Variants in ETV5 observed in about 807,000 individuals in gnomAD.
ETV5 encodes the protein ETS translocation variant 5.
Under a neutral mutation model 70.0 loss-of-function variants are expected in ETV5, and 10 were observed. That is an observed-to-expected ratio of 0.14 (90% CI 0.09 to 0.24). ETV5 has a LOEUF of 0.24. Ranked by LOEUF, ETV5 falls within the 10% of genes least tolerant of loss-of-function variation. ETV5 has a pLI of 1.00. For synonymous variants in ETV5, 216 were observed against 242.2 expected, an observed-to-expected ratio of 0.89 and a Z score of 1.01; for missense variants, 453 against 651.2, an observed-to-expected ratio of 0.70 and a Z score of 3.31.
intron 1 of ETV5, 86 bp from the exon 2 acceptor site, chr3:186,106,028 G>A: frequency 2.1e-6 from 2 of 946,812 alleles, no homozygotes; most frequent in Non-Finnish European, 3.3e-6. Context: ...TTTAGGGCCT[G>A]TGCAAAATTA....
At chr3:186,075,874 T>G (rs1250717657) in intron 7 of ETV5, among the ~76,000 whole-genome samples, 1 of 152,250 alleles carries the variant, frequency 6.6e-6, no homozygotes, top group East Asian at 1.9e-4. Flanking sequence ...TCCAAAATTC[T>G]TAGAGATACA....
intron 8 of ETV5, among the ~76,000 whole-genome samples, chr3:186,064,859 G>A (rs567667506): frequency 2.0e-5 from 3 of 152,318 alleles, no homozygotes; most frequent in South Asian, 4.1e-4. Context: ...GGGTGGGAAC[G>A]GGAAGAGGAC....
intron 7 of ETV5, among the ~76,000 whole-genome samples, chr3:186,075,391 C>T (rs1466018380): frequency 6.6e-6 from 1 of 152,064 alleles, no homozygotes; most frequent in African/African-American, 2.4e-5. Flanking sequence ...AATTATTGTA[C>T]TACAAAATCT....
rs143713513 is a variant in ETV5 at position 186,064,564 on chromosome 3, G to A, written c.911-88C>T. On this transcript the variant is annotated intron_variant, in intron 8 of 12. Transcript: ENST00000306376. Reference sequence around the variant, plus strand: ...CGGTCAACTGCAGCTCTGTGGTAAAGCCCCTAAACTTCCTGCTCTGGGGTC... The same window carrying A: ...CGGTCAACTGCAGCTCTGTGGTAAAACCCCTAAACTTCCTGCTCTGGGGTC... 3.4e-3 allele frequency: 4,544 copies of A among 1,318,394 alleles called. 24 individuals are homozygous for A. The highest frequency in any genetic ancestry group is 3.1e-3 in the Non-Finnish European group (2,803 of 911,634). 81.7% of individuals were successfully genotyped at this position (1,318,394 alleles called of 1,614,324 possible). A position where few individuals can be genotyped will look rare whatever the true frequency, so the allele number is the denominator to read the frequency against.
chr3:186,064,586 G>A (rs1483323274), intron 8 of ETV5, 110 bp from the exon 9 acceptor site: 1 of 1,064,326 alleles, frequency 9.4e-7, no homozygotes. Flanking sequence ...CCTGCTCTGG[G>A]GTCATGTCTT....
chr3:186,083,927 G>A (rs769282646), intron 5 of ETV5, among the ~76,000 whole-genome samples: 1 of 152,158 alleles, frequency 6.6e-6, no homozygotes, highest in African/African-American at 2.4e-5. Context: ...CTCCTCAAAG[G>A]TCTGTGGGAC....
In ETV5 at chr3:186,087,072, T is replaced by C. The variant is rs534799330; in HGVS notation, c.233-5897A>G. 2.0e-5 allele frequency among the ~76,000 whole-genome samples: 3 copies of C among 152,228 alleles called. No homozygotes were observed. The South Asian group carries it at 6.2e-4, about 32-fold the overall frequency. ...TGGAAGGATAGATCATGCTCGTGGATTGGAAAGCTTAACATTATAAAGATA... is the reference window on the plus strand; with the variant it reads ...TGGAAGGATAGATCATGCTCGTGGACTGGAAAGCTTAACATTATAAAGATA... On this transcript the variant is annotated intron_variant, in intron 5 of 12. Coordinates refer to ENST00000306376, the MANE Select transcript of ETV5 (RefSeq NM_004454.3).
At chr3:186,078,356 C>T (rs1179042898) in intron 7 of ETV5, 1 of 282,254 alleles carries the variant, frequency 3.5e-6, no homozygotes, top group Non-Finnish European at 6.1e-6. Context: ...CCCAATTTCC[C>T]CATAACCCTT....
intron 7 of ETV5, among the ~76,000 whole-genome samples, chr3:186,068,457 T>C (rs770850411): frequency 6.6e-6 from 1 of 151,986 alleles, no homozygotes; most frequent in Non-Finnish European, 1.5e-5. Context: ...TGCTCATCTA[T>C]AGTTTGATAA....
At position 186,065,836 on chromosome 3, in the gene ETV5, G is replaced by T; in HGVS notation, c.887C>A (p.Pro296His). The stretch of plus-strand genomic sequence containing the variant: ...ACCTGAATCGACGCAGTAATCCCGA[G>T]GCTCCTGCTTGATTCCCATTGGTGA... ...FQSPMGIKQE[P>H]RDYCVDSEVP... The change falls in exon 8 of 13, where the codon CCT becomes CAT. Residue 296 changes from proline to histidine, a missense_variant. Physicochemically the swap from Pro to His is moderately conservative, Grantham distance 77. This residue lies in a region of ETV5 where 307 missense variants were observed against 344.9 expected (regional missense o/e 0.89). Coordinates refer to ENST00000306376, the MANE Select transcript of ETV5 (RefSeq NM_004454.3). 6.2e-7 allele frequency: 1 copy of T among 1,614,108 alleles called. No homozygotes were observed. The highest frequency in any genetic ancestry group is 8.5e-7 in the Non-Finnish European group (1 of 1,180,030).
chr3:186,067,208 G>A (rs1262237108), intron 7 of ETV5, among the ~76,000 whole-genome samples: 2 of 152,190 alleles, frequency 1.3e-5, no homozygotes, highest in Non-Finnish European at 2.9e-5. Context: ...GCCAATGCGG[G>A]GGGATCACGA....
Position 186,048,368 on chromosome 3 carries a change from G to A in ETV5, c.*271C>T, listed in dbSNP as rs979814802. The A allele has an allele frequency of 1.6e-5, 8 of 509,086 alleles. No homozygotes were observed. Among genetic ancestry groups the A allele is most frequent in the African/African-American group, 7.6e-5 (4 of 52,476 alleles). The allele number at this position is 509,086 out of a possible 1,614,324, so 31.5% of individuals were successfully genotyped here. A position where few individuals can be genotyped will look rare whatever the true frequency, so the allele number is the denominator to read the frequency against. On this transcript the variant is annotated 3_prime_UTR_variant, in exon 13 of 13. Coordinates refer to ENST00000306376, the MANE Select transcript of ETV5 (RefSeq NM_004454.3). ...CTTTGCATGTATTGTCCATGGTAAGGAGACTCCATTTTGATCTCTTCCCAG... is the reference window on the plus strand; with the variant it reads ...CTTTGCATGTATTGTCCATGGTAAGAAGACTCCATTTTGATCTCTTCCCAG...
At chr3:186,067,320 T>C (rs1240288000) in intron 7 of ETV5, among the ~76,000 whole-genome samples, 1 of 152,180 alleles carries the variant, frequency 6.6e-6, no homozygotes, top group Non-Finnish European at 1.5e-5. Context: ...TAGTCCCAGC[T>C]ACTCTGGAGG....
chr3:186,049,553 G>A (rs1289219510), intron 12 of ETV5, among the ~76,000 whole-genome samples: 1 of 152,158 alleles, frequency 6.6e-6, no homozygotes. Context: ...AATAGTACAA[G>A]AGGCACCTAA....
At chr3:186,075,591 T>C (rs893575591) in intron 7 of ETV5, among the ~76,000 whole-genome samples, 8 of 152,206 alleles carry the variant, frequency 5.3e-5, no homozygotes, top group African/African-American at 1.7e-4. Flanking sequence ...TCCTCAATAA[T>C]AACCACCGAA....
chr3:186,094,503 C>A (rs1037652164), intron 5 of ETV5, among the ~76,000 whole-genome samples: 6 of 152,268 alleles, frequency 3.9e-5, no homozygotes, highest in Non-Finnish European at 7.4e-5. Flanking sequence ...ATTCTTTCTA[C>A]ACTTCAGCAT....
At position 186,065,937 on chromosome 3, in the gene ETV5, G is replaced by A. The variant is rs1040678848; in HGVS notation, c.786C>T (p.Phe262=). 1 of 1,612,838 alleles carries A rather than the reference G, an allele frequency of 6.2e-7. No homozygotes were observed. The highest frequency in any genetic ancestry group is 8.5e-7 in the Non-Finnish European group (1 of 1,179,408). Residue 262 remains phenylalanine (F), a synonymous_variant, in exon 8 of 13, where the codon TTC becomes TTT. Transcript: ENST00000306376. ...VPAAPPPPQG[F]KQEYHDPLYE... is the part of the protein sequence containing the mutation. ...AGAGTGGGTCATGGTATTCTTGTTTGAATCCCTGAGGGGGCGGGGGAGCTG... is the reference window on the plus strand; with the variant it reads ...AGAGTGGGTCATGGTATTCTTGTTTAAATCCCTGAGGGGGCGGGGGAGCTG...
intron 7 of ETV5, among the ~76,000 whole-genome samples, chr3:186,067,205 C>G (rs534356824): frequency 2.0e-5 from 3 of 152,176 alleles, no homozygotes; most frequent in African/African-American, 7.2e-5. Context: ...GAGGCCAATG[C>G]GGGGGGATCA....
intron 1 of ETV5, among the ~76,000 whole-genome samples, chr3:186,106,712 C>T (rs1578565717): frequency 6.6e-6 from 1 of 151,982 alleles, no homozygotes; most frequent in East Asian, 1.9e-4. Context: ...TTTCATATAG[C>T]GGAATCATTT....
Sources: gnomAD v4.1 joint callset for allele counts (sites outside exome capture counted in the v4.1 genomes callset) on GRCh38, gnomAD v4.1.1 for gene constraint, gnomAD v4.1.1 regional missense constraint, MANE v1.5 for transcripts, NCBI Gene and HGNC (gene_info 2026-07-23, HGNC 2026-07-21) for gene names.